Variants in COL10A1 observed in about 807,000 individuals in gnomAD.
The protein encoded by COL10A1 is collagen alpha-1(X) chain.
Under a neutral mutation model 18.2 loss-of-function variants are expected in COL10A1, and 10 were observed. That is an observed-to-expected ratio of 0.55 (90% CI 0.34 to 0.93). The LOEUF is 0.93. Ranked by LOEUF, COL10A1 falls within the 40% of genes least tolerant of loss-of-function variation. The pLI is 0.02. For missense variants in COL10A1, 897 were observed against 853.5 expected (o/e 1.05, Z -0.64); for synonymous variants, 330 against 316.6 (o/e 1.04, Z -0.45).
In COL10A1 at chr6:116,120,040, C is replaced by G. The variant is rs1037615556; in HGVS notation, c.*33G>C. On this transcript the variant is annotated 3_prime_UTR_variant, in exon 3 of 3. Coordinates refer to ENST00000651968, the MANE Select transcript of COL10A1 (RefSeq NM_000493.4). ...GGGGTAGAGTTAGAGAATGCTTTTT[C>G]TAGCACAAGATTTAGATTAGCTCTG... 3.8e-6 allele frequency: 6 copies of G among 1,558,672 alleles called. No individual in the cohort carries two copies. Among genetic ancestry groups the G allele is most frequent in the Non-Finnish European group, 5.2e-6 (6 of 1,147,996 alleles).
the COL10A1 span, among the ~76,000 whole-genome samples, chr6:116,210,843 A>G: frequency 6.6e-6 from 1 of 152,064 alleles, no homozygotes; most frequent in African/African-American, 2.4e-5. Flanking sequence ...ATTCCCACAG[A>G]GTTAGATATG....
the COL10A1 span, among the ~76,000 whole-genome samples, chr6:116,205,266 T>C: frequency 4.0e-5 from 6 of 151,872 alleles, no homozygotes; most frequent in South Asian, 1.2e-3. Context: ...AAGCTTGGTG[T>C]GACACTAAAA....
intron 1 of COL10A1, among the ~76,000 whole-genome samples, chr6:116,156,875 C>T (rs572193394): frequency 2.0e-5 from 3 of 152,314 alleles, no homozygotes; most frequent in South Asian, 4.1e-4. Flanking sequence ...CAACTCTTGC[C>T]ACAACCCCTT....
At chr6:116,133,932 T>C (rs908674222) in intron 1 of COL10A1, among the ~76,000 whole-genome samples, 35 of 152,218 alleles carry the variant, frequency 2.3e-4, no homozygotes, top group Admixed American at 2.0e-3. Context: ...GTGGTTTTTT[T>C]CCCCCAGTGA....
At chr6:116,177,204 A>G in the COL10A1 span, among the ~76,000 whole-genome samples, 1 of 152,206 alleles carries the variant, frequency 6.6e-6, no homozygotes, top group Non-Finnish European at 1.5e-5. Context: ...TCTCAATACA[A>G]ATAATTAAGT....
At chr6:116,133,488 A>G (rs1779517410) in intron 1 of COL10A1, among the ~76,000 whole-genome samples, 1 of 152,226 alleles carries the variant, frequency 6.6e-6, no homozygotes, top group African/African-American at 2.4e-5. Context: ...TGTAGGGTAC[A>G]CGAGTACCTG....
At chr6:116,173,068 GTTC>G in the COL10A1 span, among the ~76,000 whole-genome samples, 2 of 152,112 alleles carry the variant, frequency 1.3e-5, no homozygotes, top group Non-Finnish European at 2.9e-5. Flanking sequence ...TCATTTTTAT[GTTC>G]TTCTATAACT....
chr6:116,127,038 G>T (rs892865604), upstream of COL10A1, among the ~76,000 whole-genome samples: 5 of 152,118 alleles, frequency 3.3e-5, no homozygotes, highest in Non-Finnish European at 5.9e-5. Flanking sequence ...GAAGTTGAGA[G>T]TCCAAATTTT....
At chr6:116,145,992 A>C (rs890023077) in intron 1 of COL10A1, among the ~76,000 whole-genome samples, 1 of 152,176 alleles carries the variant, frequency 6.6e-6, no homozygotes, top group Non-Finnish European at 1.5e-5. Context: ...ATCTTTCCTT[A>C]CTTACTTCTG....
chr6:116,175,897 C>T, the COL10A1 span, among the ~76,000 whole-genome samples: 1 of 152,082 alleles, frequency 6.6e-6, no homozygotes, highest in African/African-American at 2.4e-5. Context: ...TATGAATCAT[C>T]TGTGAGTCTG....
At chr6:116,163,136 A>T (rs1199591274), upstream of COL10A1, among the ~76,000 whole-genome samples, 4 of 117,400 alleles carry the variant, frequency 3.4e-5, no homozygotes, top group Non-Finnish European at 7.0e-5. Flanking sequence ...CAAAAAAAAA[A>T]AAAAAATATA....
intron 1 of COL10A1, among the ~76,000 whole-genome samples, chr6:116,151,795 G>C (rs1780047758): frequency 6.6e-6 from 1 of 152,034 alleles, no homozygotes; most frequent in Non-Finnish European, 1.5e-5. Context: ...TTTTAAAAAA[G>C]CAGCAACAAC....
chr6:116,198,373 T>C, the COL10A1 span, among the ~76,000 whole-genome samples: 3 of 152,076 alleles, frequency 2.0e-5, no homozygotes, highest in Non-Finnish European at 2.9e-5. Flanking sequence ...ACTGTGCTCA[T>C]GCCCTGCTTG....
At chr6:116,166,460 A>AT in the COL10A1 span, among the ~76,000 whole-genome samples, 1 of 152,210 alleles carries the variant, frequency 6.6e-6, no homozygotes, top group Non-Finnish European at 1.5e-5. Flanking sequence ...TGGAAGAAGG[A>AT]TTTTGTCTTC....
the COL10A1 span, among the ~76,000 whole-genome samples, chr6:116,205,247 G>A: frequency 4.5e-4 from 68 of 151,902 alleles, no homozygotes; most frequent in African/African-American, 1.6e-3. Flanking sequence ...AAAATAAGCT[G>A]GGCTGGACAA....
the COL10A1 span, among the ~76,000 whole-genome samples, chr6:116,199,117 T>C: frequency 6.6e-6 from 1 of 151,776 alleles, no homozygotes; most frequent in Non-Finnish European, 1.5e-5. Context: ...CCCTGGGGGG[T>C]GAGGGGAGCT....
At chr6:116,200,082 C>T in the COL10A1 span, among the ~76,000 whole-genome samples, 2 of 151,858 alleles carry the variant, frequency 1.3e-5, no homozygotes, top group Non-Finnish European at 2.9e-5. Context: ...TCAACAGTGA[C>T]CCTTAATAGT....
the COL10A1 span, among the ~76,000 whole-genome samples, chr6:116,176,142 A>G: frequency 6.6e-6 from 1 of 152,110 alleles, no homozygotes; most frequent in Non-Finnish European, 1.5e-5. Flanking sequence ...GGGTTTTGCT[A>G]CCTATGGTAG....
At chr6:116,189,458 C>G in the COL10A1 span, among the ~76,000 whole-genome samples, 1 of 151,824 alleles carries the variant, frequency 6.6e-6, no homozygotes, top group Admixed American at 6.6e-5. Context: ...ATATACCTCC[C>G]TCTCATTTCT....
Sources: gnomAD v4.1 joint callset for allele counts (sites outside exome capture counted in the v4.1 genomes callset) on GRCh38, gnomAD v4.1.1 for gene constraint, MANE v1.5 for transcripts, NCBI Gene and HGNC (gene_info 2026-07-23, HGNC 2026-07-21) for gene names.